Variants in FANCI observed in about 807,000 individuals in gnomAD.
FANCI encodes Fanconi anemia group I protein.
FANCI carries 156 observed loss-of-function variants against 176.1 expected under a neutral mutation model. The ratio of observed to expected loss-of-function variants is 0.89; its 90% CI spans 0.78 to 1.01. FANCI has a LOEUF of 1.01. FANCI is among the 50% of genes least tolerant of loss of function. The probability of loss-of-function intolerance (pLI) is 0.00; values close to 1 mark genes in which losing one functional copy is unlikely to be tolerated. For synonymous variants in FANCI, 613 were observed against 541.7 expected (o/e 1.13, Z -1.83); for missense variants, 1,678 against 1,534.1 (o/e 1.09, Z -1.57).
At chr15:89,305,278 G>A (rs1396081732) in intron 29 of FANCI, 36 bp downstream of exon 29, 1 of 1,614,172 alleles carries the variant, frequency 6.2e-7, no homozygotes, top group Non-Finnish European at 8.5e-7. Flanking sequence ...TACCCTGTGT[G>A]GGGATGGGGG....
At chr15:89,313,452 T>A (rs368972093) in intron 35 of FANCI, among the ~76,000 whole-genome samples, 22 of 152,292 alleles carry the variant, frequency 1.4e-4, no homozygotes, top group African/African-American at 5.3e-4. Context: ...AATCTTGAGT[T>A]GAAATGGAAA....
intron 18 of FANCI, among the ~76,000 whole-genome samples, chr15:89,289,301 GTTTTCCT>G (rs1567162613): frequency 6.6e-6 from 1 of 150,630 alleles, no homozygotes; most frequent in Non-Finnish European, 1.5e-5. Context: ...CCCTTTTTCC[GTTTTCCT>G]TTCCTTTCCG....
At chr15:89,254,253 A>G (rs1202168177) in intron 2 of FANCI, among the ~76,000 whole-genome samples, 1 of 152,184 alleles carries the variant, frequency 6.6e-6, no homozygotes, top group Non-Finnish European at 1.5e-5. Context: ...CACACCCATC[A>G]CCTAGATCTT....
chr15:89,305,488 A>G, intron 30 of FANCI, 79 bp downstream of exon 30: 1 of 1,608,882 alleles, frequency 6.2e-7, no homozygotes, highest in Non-Finnish European at 8.5e-7. Context: ...CTTGTGTCCT[A>G]TAGCGGCTTG....
In FANCI at chr15:89,293,936, A is replaced by C. The variant is rs2054160307; in HGVS notation, c.2395A>C (p.Lys799Gln). Residue 799 changes from lysine (K) to glutamine (Q), a missense_variant, in exon 23 of 38, where the codon AAG becomes CAG. By Grantham distance (53) the Lys-to-Gln change is moderately conservative (BLOSUM62 1). Around this residue, in one of 3 missense-constraint regions of FANCI, gnomAD observed 1,204 missense variants for 1,077.4 expected, o/e 1.12. Transcript: ENST00000310775. ...TAAAGCCAAAACTAAAATGGCCAAC[A>C]AGACAAGTGATAGTCTTTTGTCCAT... is the stretch of plus-strand genomic sequence containing the variant. ...AGKAKTKMAN[K>Q]TSDSLLSMKF... 6.2e-7 allele frequency: 1 copy of C among 1,614,188 alleles called. No individual in the cohort carries two copies. The highest frequency in any genetic ancestry group is 1.3e-5 in the African/African-American group (1 of 75,050).
intron 7 of FANCI, 146 bp downstream of exon 7, chr15:89,263,606 C>A: frequency 1.2e-6 from 1 of 823,982 alleles, no homozygotes; most frequent in South Asian, 1.5e-5. Context: ...TTCACAGATT[C>A]CCTCCTCACT....
Position 89,307,549 on chromosome 15 carries a change from C to T in FANCI, c.3591+20C>T. The T allele has an allele frequency of 6.2e-7, 1 of 1,614,100 alleles. No individual in the cohort carries two copies. The highest frequency in any genetic ancestry group is 2.2e-5 in the East Asian group (1 of 44,882). On this transcript the variant is annotated intron_variant, in intron 33 of 37. Coordinates refer to ENST00000310775, the MANE Select transcript of FANCI (RefSeq NM_001113378.2). Reference sequence around the variant, plus strand: ...AAGCTGGTGAGTTGAGAATGCCTTTCCTAGGAATGGGGGAAGCACTTTTAC... The same window carrying T: ...AAGCTGGTGAGTTGAGAATGCCTTTTCTAGGAATGGGGGAAGCACTTTTAC...
At position 89,317,003 on chromosome 15, in the gene FANCI, T is replaced by C; in HGVS notation, c.*544T>C. 1 of 631,544 alleles carries C rather than the reference T, an allele frequency of 1.6e-6. No homozygotes were observed. The highest frequency in any genetic ancestry group is 2.8e-6 in the Non-Finnish European group (1 of 355,404). The allele number at this position is 631,544 out of a possible 1,614,324, so 39.1% of individuals were successfully genotyped here. On this transcript the variant is annotated 3_prime_UTR_variant, in exon 38 of 38. Transcript: ENST00000310775. ...TCTGTTTTCTTTTTATATAAGTGTG[T>C]CTTAGATATATTTTAAATAGAAAAT...
intron 27 of FANCI, among the ~76,000 whole-genome samples, chr15:89,303,425 CTCTT>C (rs2054596886): frequency 1.3e-5 from 2 of 152,182 alleles, no homozygotes. Context: ...CTGCCCTTCT[CTCTT>C]CTAACCTCCT....
chr15:89,295,149 G>A, intron 24 of FANCI, 55 bp downstream of exon 24: 1 of 1,515,960 alleles, frequency 6.6e-7, no homozygotes, highest in Non-Finnish European at 8.9e-7. Flanking sequence ...GTGTCTCCAA[G>A]AGAACAAACT....
intron 34 of FANCI, chr15:89,308,336 T>TC: frequency 4.4e-6 from 1 of 227,806 alleles, no homozygotes; most frequent in Non-Finnish European, 7.3e-6. Flanking sequence ...TTGCCAGTTG[T>TC]CCTTAAGGGA....
chr15:89,305,040 T>C (rs1223670828), intron 28 of FANCI, 75 bp from the exon 29 acceptor site: 2 of 1,581,052 alleles, frequency 1.3e-6, no homozygotes, highest in East Asian at 4.5e-5. Context: ...CCTCCCAAAG[T>C]GCTGGGATTA....
At chr15:89,253,663 T>G (rs1474714710) in intron 2 of FANCI, among the ~76,000 whole-genome samples, 1 of 151,870 alleles carries the variant, frequency 6.6e-6, no homozygotes. Flanking sequence ...TACATATAAG[T>G]TAAAAAGTTT....
At chr15:89,309,437 C>G (rs570061048) in intron 34 of FANCI, among the ~76,000 whole-genome samples, 1 of 151,886 alleles carries the variant, frequency 6.6e-6, no homozygotes, top group Non-Finnish European at 1.5e-5. Flanking sequence ...CTTAGAGATT[C>G]GTGGTGTCCA....
chr15:89,312,812 G>C, intron 34 of FANCI, 92 bp from the exon 35 acceptor site: 3 of 895,110 alleles, frequency 3.4e-6, no homozygotes, highest in Non-Finnish European at 5.0e-6. Context: ...GCAAAGCTCT[G>C]TCTTAAAAAA....
At chr15:89,247,870 A>G in intron 2 of FANCI, 139 bp downstream of exon 2, 2 of 703,568 alleles carry the variant, frequency 2.8e-6, no homozygotes, top group Non-Finnish European at 2.4e-6. Context: ...TTATTTAATA[A>G]TAATTTATAG....
intron 34 of FANCI, among the ~76,000 whole-genome samples, chr15:89,311,279 C>T (rs1271590477): frequency 1.3e-5 from 2 of 151,700 alleles, no homozygotes; most frequent in Non-Finnish European, 2.9e-5. Flanking sequence ...ATTAGCCGGG[C>T]ATGGTAGTGC....
At chr15:89,271,917 C>T (rs999373438) in intron 10 of FANCI, among the ~76,000 whole-genome samples, 2 of 152,174 alleles carry the variant, frequency 1.3e-5, no homozygotes, top group Non-Finnish European at 1.5e-5. Context: ...CACTAACATT[C>T]AAATGTAAGT....
intron 2 of FANCI, among the ~76,000 whole-genome samples, chr15:89,254,272 C>G (rs1296612002): frequency 1.3e-5 from 2 of 152,148 alleles, no homozygotes; most frequent in Non-Finnish European, 2.9e-5. Context: ...TTTGCTGTTT[C>G]ATAACCATTC....
Sources: gnomAD v4.1 joint callset for allele counts (sites outside exome capture counted in the v4.1 genomes callset) on GRCh38, gnomAD v4.1.1 for gene constraint, gnomAD v4.1.1 regional missense constraint, MANE v1.5 for transcripts, NCBI Gene and HGNC (gene_info 2026-07-23, HGNC 2026-07-21) for gene names.